Variants in GRK4 observed in about 807,000 individuals in gnomAD.
The protein encoded by GRK4 is G protein-coupled receptor kinase 4.
A neutral mutation model predicts 77.9 loss-of-function variants in GRK4; 73 were observed. The observed-to-expected ratio is 0.94, with a 90% CI of 0.78 to 1.14. The LOEUF (loss-of-function observed/expected upper bound fraction) is 1.14. Ranked by LOEUF, GRK4 falls within the 50% of genes most tolerant of loss-of-function variation. The probability of loss-of-function intolerance (pLI) is 0.00; values close to 1 mark genes in which losing one functional copy is unlikely to be tolerated. For synonymous variants in GRK4, 257 were observed against 254.4 expected (o/e 1.01, Z -0.10); for missense variants, 729 against 700.2 (o/e 1.04, Z -0.46).
At chr4:3,001,282 T>C (rs1390444158) in intron 4 of GRK4, among the ~76,000 whole-genome samples, 1 of 144,448 alleles carries the variant, frequency 6.9e-6, no homozygotes, top group Non-Finnish European at 1.5e-5. Flanking sequence ...TGTATGTATG[T>C]ATACACATAC....
At position 3,040,697 on chromosome 4, in the gene GRK4, G is replaced by A; in HGVS notation, c.*72G>A. ...CATGTGTTAGCGTCTCGTCCCACCT[G>A]GAATTGTAATAAATACATCTAAATA... On this transcript the variant is annotated 3_prime_UTR_variant, in exon 16 of 16. Coordinates refer to ENST00000398052, the MANE Select transcript of GRK4 (RefSeq NM_182982.3). 7.9e-7 allele frequency: 1 copy of A among 1,270,260 alleles called. No individual in the cohort carries two copies. Among genetic ancestry groups the A allele is most frequent in the South Asian group, 1.3e-5 (1 of 79,324 alleles). The allele number at this position is 1,270,260 out of a possible 1,614,324, so 78.7% of individuals were successfully genotyped here. A position where few individuals can be genotyped will look rare whatever the true frequency, so the allele number is the denominator to read the frequency against.
intron 1 of GRK4, among the ~76,000 whole-genome samples, chr4:2,973,491 G>A (rs73792111): frequency 0.016 from 2,365 of 152,182 alleles, 60 homozygotes; most frequent in African/African-American, 0.054. Flanking sequence ...TCATTGGTAC[G>A]AGAAAGAGCC....
Position 3,037,520 on chromosome 4 carries a change from C to T in GRK4, c.1545+9C>T. 1 of 1,595,444 alleles carries T rather than the reference C, an allele frequency of 6.3e-7. No individual in the cohort carries two copies. Among genetic ancestry groups the T allele is most frequent in the Non-Finnish European group, 8.6e-7 (1 of 1,165,070 alleles). On this transcript the variant is annotated intron_variant, in intron 14 of 15. Coordinates refer to ENST00000398052, the MANE Select transcript of GRK4 (RefSeq NM_182982.3). ...TCCCCTGGCAGAATGAGGTACTGCC[C>T]TTCCAGCACAGCCGCTTTACGTTAG...
chr4:3,021,802 G>T (rs73792122), intron 9 of GRK4, among the ~76,000 whole-genome samples: 1 of 152,158 alleles, frequency 6.6e-6, no homozygotes, highest in African/African-American at 2.4e-5. Flanking sequence ...CTCAAGATGA[G>T]CTGGATTTTC....
chr4:2,985,120 T>C (rs934682895), intron 2 of GRK4, among the ~76,000 whole-genome samples: 2 of 152,072 alleles, frequency 1.3e-5, no homozygotes, highest in Non-Finnish European at 2.9e-5. Flanking sequence ...TTTTAAAAAA[T>C]TATTGAGCCA....
chr4:3,007,786 G>C lies in GRK4; in HGVS notation c.494G>C (p.Ser165Thr). Reference protein sequence around the residue: ...RGEPFEEYQESSYFSQFLQWK... With the variant: ...RGEPFEEYQETSYFSQFLQWK... ...GAACCATTTGAAGAATACCAAGAAA[G>C]CTCATATTTTTCTCAGTTTTTACAA... Residue 165 changes from serine to threonine, a missense_variant, in exon 6 of 16, where the codon AGC (serine) becomes ACC (threonine). Ser to Thr is a moderately conservative substitution (Grantham distance 58). Transcript: ENST00000398052. 1 of 1,611,882 alleles carries C rather than the reference G, an allele frequency of 6.2e-7. No individual in the cohort carries two copies. Among genetic ancestry groups the C allele is most frequent in the Non-Finnish European group, 8.5e-7 (1 of 1,178,968 alleles).
At chr4:2,976,800 C>T (rs886444663) in intron 1 of GRK4, among the ~76,000 whole-genome samples, 4 of 152,014 alleles carry the variant, frequency 2.6e-5, no homozygotes, top group Non-Finnish European at 5.9e-5. Context: ...CCACCACGTC[C>T]GGCTAATTTT....
intron 4 of GRK4, among the ~76,000 whole-genome samples, chr4:2,993,088 A>G (rs1454016342): frequency 6.6e-6 from 1 of 150,748 alleles, no homozygotes; most frequent in Non-Finnish European, 1.5e-5. Context: ...ACTAACAATT[A>G]GATCTCTTAG....
At chr4:2,992,028 G>A (rs970169901) in intron 3 of GRK4, among the ~76,000 whole-genome samples, 187 bp from the exon 4 acceptor site, 5 of 149,770 alleles carry the variant, frequency 3.3e-5, no homozygotes, top group African/African-American at 1.2e-4. Flanking sequence ...AAACATTGTT[G>A]GTGAAGAAGC....
At position 3,027,998 on chromosome 4, in the gene GRK4, A is replaced by G. The variant is rs1472792548; in HGVS notation, c.1057A>G (p.Met353Val). ...AGGAAGAGTTGGAACAGTCGGCTAC[A>G]TGGGTTCGTGAGAGGCTTTCGGCGT... The part of the protein sequence containing the change: ...VRGRVGTVGY[M>V]APEVVNNEKY... The change falls in exon 11 of 16, where the codon ATG (methionine) becomes GTG (valine). Residue 353 changes from methionine to valine, a missense_variant. Coordinates refer to ENST00000398052, the MANE Select transcript of GRK4 (RefSeq NM_182982.3). The G allele has an allele frequency of 6.2e-7, 1 of 1,613,908 alleles. No individual in the cohort carries two copies. The highest frequency in any genetic ancestry group is 8.5e-7 in the Non-Finnish European group (1 of 1,179,940).
intron 1 of GRK4, among the ~76,000 whole-genome samples, chr4:2,975,783 A>G (rs900129191): frequency 6.6e-6 from 1 of 152,190 alleles, no homozygotes; most frequent in South Asian, 2.1e-4. Context: ...CTTCAGCACT[A>G]TATTTCTCTC....
chr4:3,014,297 T>TCTC (rs67549679), intron 8 of GRK4, among the ~76,000 whole-genome samples: 3 of 69,342 alleles, frequency 4.3e-5, no homozygotes, highest in African/African-American at 1.7e-4. Context: ...TCTCTCTCTC[T>TCTC]TTTTTTTTTT....
Position 3,013,687 on chromosome 4 carries a change from G to A in GRK4, c.601-1G>A, listed in dbSNP as rs1051177201. On this transcript the variant is annotated splice_acceptor_variant, in intron 7 of 15. Coordinates refer to ENST00000398052, the MANE Select transcript of GRK4 (RefSeq NM_182982.3). LOFTEE classifies it high-confidence loss of function. ...CTCCTTTATTTTGCTGTTTAAACTAGGTTTGCGCCTGTCAAGTGCGAGCCA... is the reference window on the plus strand; with the variant it reads ...CTCCTTTATTTTGCTGTTTAAACTAAGTTTGCGCCTGTCAAGTGCGAGCCA... 1 of 1,605,756 alleles carries A rather than the reference G, an allele frequency of 6.2e-7. No individual in the cohort carries two copies. Among genetic ancestry groups the A allele is most frequent in the African/African-American group, 1.3e-5 (1 of 74,172 alleles).
Position 3,035,523 on chromosome 4 carries a change from T to C in GRK4, c.1407T>C (p.Asp469=), listed in dbSNP as rs1481730959. Residue 469 remains aspartate (D), a splice_region_variant and synonymous_variant, in exon 13 of 16, where the codon GAT becomes GAC. Transcript: ENST00000398052. The part of the protein sequence containing the change: ...ANMLEPPFCP[D]PHAVYCKDVL... Reference sequence around the variant, plus strand: ...TGCTGGAGCCCCCTTTCTGTCCTGATGTAAGTGCATTGCCAGGACGAGCAG... The same window carrying C: ...TGCTGGAGCCCCCTTTCTGTCCTGACGTAAGTGCATTGCCAGGACGAGCAG... 3 of 1,611,808 alleles carry C rather than the reference T, an allele frequency of 1.9e-6. No individual in the cohort carries two copies. The highest frequency in any genetic ancestry group is 1.7e-4 in the Middle Eastern group (1 of 5,946).
At chr4:3,002,248 G>A (rs531325224) in intron 4 of GRK4, among the ~76,000 whole-genome samples, 22 of 152,056 alleles carry the variant, frequency 1.4e-4, no homozygotes, top group African/African-American at 4.3e-4. Context: ...CTCATACACC[G>A]GGAGACCGTG....
chr4:3,026,962 A>G (rs1737756137), intron 10 of GRK4, among the ~76,000 whole-genome samples: 1 of 152,266 alleles, frequency 6.6e-6, no homozygotes, highest in African/African-American at 2.4e-5. Flanking sequence ...AGCTGAGGAT[A>G]AGTGGTGAAT....
intron 4 of GRK4, among the ~76,000 whole-genome samples, chr4:2,995,681 A>T (rs1727652005): frequency 6.6e-6 from 1 of 152,078 alleles, no homozygotes; most frequent in Non-Finnish European, 1.5e-5. Flanking sequence ...TTCTCAAAAA[A>T]AAAAAAGAGT....
chr4:3,012,664 G>A (rs1733234155), intron 7 of GRK4, among the ~76,000 whole-genome samples: 1 of 152,150 alleles, frequency 6.6e-6, no homozygotes, highest in Non-Finnish European at 1.5e-5. Flanking sequence ...AGAGGCACGG[G>A]GACCAGAACC....
At chr4:2,980,964 T>C (rs1722698781) in intron 1 of GRK4, among the ~76,000 whole-genome samples, 1 of 152,218 alleles carries the variant, frequency 6.6e-6, no homozygotes, top group Non-Finnish European at 1.5e-5. Flanking sequence ...GGTCTGGCCA[T>C]TGGGCACAGC....
Sources: gnomAD v4.1 joint callset for allele counts (sites outside exome capture counted in the v4.1 genomes callset) on GRCh38, gnomAD v4.1.1 for gene constraint, MANE v1.5 for transcripts, NCBI Gene and HGNC (gene_info 2026-07-23, HGNC 2026-07-21) for gene names.